Variants in BMPR1B observed in about 807,000 individuals in gnomAD.
BMPR1B encodes the protein bone morphogenetic protein receptor type-1B.
Under a neutral mutation model 59.1 loss-of-function variants are expected in BMPR1B, and 12 were observed. The observed-to-expected ratio is 0.20, with a 90% CI of 0.13 to 0.33. The LOEUF (loss-of-function observed/expected upper bound fraction) is 0.33, where lower values mean the gene tolerates loss of function less well. BMPR1B is among the 10% of genes least tolerant of loss of function. The pLI is 1.00. For synonymous variants in BMPR1B, 237 were observed against 207.3 expected (o/e 1.14, Z -1.23); for missense variants, 550 against 610.9 (o/e 0.90, Z 1.05).
chr4:94,961,065 TA>T (rs1191457179), intron 2 of BMPR1B, among the ~76,000 whole-genome samples: 1 of 152,116 alleles, frequency 6.6e-6, no homozygotes, highest in African/African-American at 2.4e-5. Flanking sequence ...ACCTGTCTGT[TA>T]TCTGTGGATT....
At chr4:95,091,249 TTTTC>T (rs1729957917) in intron 3 of BMPR1B, among the ~76,000 whole-genome samples, 1 of 152,006 alleles carries the variant, frequency 6.6e-6, no homozygotes. Context: ...TTCCTTTTTC[TTTTC>T]TTTCTTTTTT....
intron 3 of BMPR1B, among the ~76,000 whole-genome samples, chr4:95,052,108 A>G (rs965184142): frequency 2.0e-5 from 3 of 152,222 alleles, no homozygotes; most frequent in African/African-American, 7.2e-5. Context: ...CTATTCTAAC[A>G]AACTTTTTTC....
intron 1 of BMPR1B, among the ~76,000 whole-genome samples, chr4:94,800,601 C>T (rs1048642754): frequency 6.6e-6 from 1 of 152,014 alleles, no homozygotes; most frequent in African/African-American, 2.4e-5. Flanking sequence ...CTTGCCCCTG[C>T]ATTTCTTTAT....
At position 95,152,683 on chromosome 4, in the gene BMPR1B, G is replaced by A; in HGVS notation, c.1293G>A (p.Val431=). The A allele has an allele frequency of 1.3e-6, 2 of 1,586,042 alleles. No individual in the cohort carries two copies. The highest frequency in any genetic ancestry group is 1.7e-6 in the Non-Finnish European group (2 of 1,165,384). Residue 431 remains valine, a synonymous_variant, in exon 12 of 13, where the codon GTG becomes GTA. Transcript: ENST00000515059. ...ACCAGCTTCCTTATCATGACCTAGT[G>A]CCCAGTGACCCCTCTTATGAGGACA... The part of the protein sequence containing the change: ...EEYQLPYHDL[V]PSDPSYEDMR...
chr4:95,075,862 TTCCA>T (rs749648029), intron 3 of BMPR1B, among the ~76,000 whole-genome samples: 8 of 152,156 alleles, frequency 5.3e-5, no homozygotes, highest in Non-Finnish European at 1.2e-4. Context: ...TTCTTTCCCC[TTCCA>T]TCCAGCCACT....
At chr4:94,879,717 A>G (rs3821961) in intron 2 of BMPR1B, among the ~76,000 whole-genome samples, 2,487 of 152,094 alleles carry the variant, frequency 0.016, 45 homozygotes, top group East Asian at 0.083. Context: ...TTTTTTCCCC[A>G]TTATTATAGA....
Position 95,020,347 on chromosome 4 carries a change from A to T in BMPR1B, c.-18+24213A>T, listed in dbSNP as rs149411640. On this transcript the variant is annotated intron_variant, in intron 3 of 12. Transcript: ENST00000515059. ...GTAATCCCAGCACTTTGGGAGGCCG[A>T]GGCGGGCAGATCACGAGGTCAAAAG... Among the ~76,000 whole-genome samples, 47 of 152,314 alleles carry T rather than the reference A, an allele frequency of 3.1e-4. No individual in the cohort carries two copies. In the East Asian group the frequency reaches 8.1e-3, roughly 26 times the overall value.
At chr4:94,965,734 A>T (rs1463943270) in intron 2 of BMPR1B, among the ~76,000 whole-genome samples, 1 of 152,172 alleles carries the variant, frequency 6.6e-6, no homozygotes, top group Non-Finnish European at 1.5e-5. Context: ...TTCAAGTAAA[A>T]TATATTTTGA....
In BMPR1B at chr4:95,143,215, A is replaced by G. The variant is rs544408413; in HGVS notation, c.1077-5533A>G. Among the ~76,000 whole-genome samples, 13 of 152,334 alleles carry G rather than the reference A, an allele frequency of 8.5e-5. No individual in the cohort carries two copies. The East Asian group carries it at 2.1e-3, about 25-fold the overall frequency. ...GCAGTGCTGTGCTAAGGGGCACGCC[A>G]GGGGTGGTACACCAGGCACAGGCAG... On this transcript the variant is annotated intron_variant, in intron 10 of 12. Coordinates refer to ENST00000515059, the MANE Select transcript of BMPR1B (RefSeq NM_001203.3).
chr4:94,947,067 A>AC (rs1560561549), intron 2 of BMPR1B, among the ~76,000 whole-genome samples: 2 of 151,840 alleles, frequency 1.3e-5, no homozygotes, highest in African/African-American at 2.4e-5. Flanking sequence ...ATACAAACAA[A>AC]CCCCCCAAAA....
At chr4:95,112,240 C>T (rs1731680349) in intron 4 of BMPR1B, among the ~76,000 whole-genome samples, 2 of 151,948 alleles carry the variant, frequency 1.3e-5, no homozygotes, top group South Asian at 4.2e-4. Flanking sequence ...TTCTTCATCT[C>T]ATCTTTTTAT....
chr4:95,119,614 A>G (rs1333048313), intron 6 of BMPR1B, among the ~76,000 whole-genome samples: 1 of 152,190 alleles, frequency 6.6e-6, no homozygotes, highest in Non-Finnish European at 1.5e-5. Context: ...GTGCTATAAT[A>G]TGTCAAGTTC....
chr4:95,117,288 AT>A (rs1455021481), intron 6 of BMPR1B, among the ~76,000 whole-genome samples: 1 of 152,212 alleles, frequency 6.6e-6, no homozygotes, highest in Non-Finnish European at 1.5e-5. Context: ...AGTACATAGA[AT>A]TGTTCTTCCA....
At chr4:94,835,910 T>G (rs370548612) in intron 1 of BMPR1B, among the ~76,000 whole-genome samples, 1 of 104,136 alleles carries the variant, frequency 9.6e-6, no homozygotes, top group Non-Finnish European at 1.9e-5. Context: ...CCCTCCCCCC[T>G]CCCCCCACCC....
chr4:94,834,189 C>T (rs72669070), intron 1 of BMPR1B, among the ~76,000 whole-genome samples: 5 of 152,214 alleles, frequency 3.3e-5, no homozygotes, highest in South Asian at 4.2e-4. Flanking sequence ...TGCCTGTCTG[C>T]GGTGAGTATC....
chr4:94,905,736 T>C (rs78520990), intron 2 of BMPR1B, among the ~76,000 whole-genome samples: 1,543 of 152,106 alleles, frequency 0.01, 23 homozygotes, highest in African/African-American at 0.036. Flanking sequence ...CTGGCTTCTA[T>C]GGCTTAACTA....
chr4:94,880,534 A>T (rs1726916331), intron 2 of BMPR1B, among the ~76,000 whole-genome samples: 1 of 152,028 alleles, frequency 6.6e-6, no homozygotes, highest in Non-Finnish European at 1.5e-5. Flanking sequence ...GGTGTTGCCC[A>T]GGCTGGTCTC....
chr4:94,898,745 C>A (rs754333188), intron 2 of BMPR1B, among the ~76,000 whole-genome samples: 1 of 151,924 alleles, frequency 6.6e-6, no homozygotes, highest in Non-Finnish European at 1.5e-5. Context: ...CTGGTTCTTT[C>A]AAAAATACTT....
intron 2 of BMPR1B, among the ~76,000 whole-genome samples, chr4:94,910,014 A>G (rs552511208): frequency 6.6e-6 from 1 of 152,234 alleles, no homozygotes; most frequent in Non-Finnish European, 1.5e-5. Flanking sequence ...TGTAATATTT[A>G]AGAGCCTTTA....
Sources: allele counts gnomAD v4.1 joint callset (sites outside exome capture counted in the v4.1 genomes callset), GRCh38; gene constraint gnomAD v4.1.1; transcripts MANE v1.5; gene names NCBI Gene and HGNC (gene_info 2026-07-23, HGNC 2026-07-21).